Variants in ZNF541 observed in about 807,000 individuals in gnomAD.
ZNF541 encodes the protein zinc finger protein 541.
A neutral mutation model predicts 123.5 loss-of-function variants in ZNF541; 23 were observed. The ratio of observed to expected loss-of-function variants is 0.19; its 90% CI spans 0.13 to 0.26. The LOEUF is 0.26. ZNF541 is among the 10% of genes least tolerant of loss of function. ZNF541 has a pLI of 1.00. For missense variants in ZNF541, 1,612 were observed against 1,789.9 expected (o/e 0.90, Z 1.79); for synonymous variants, 751 against 754.5 (o/e 1.00, Z 0.08).
chr19:47,540,609 T>C (rs1318998620), intron 6 of ZNF541, among the ~76,000 whole-genome samples: 1 of 152,140 alleles, frequency 6.6e-6, no homozygotes, highest in African/African-American at 2.4e-5. Context: ...GTGGCTAATT[T>C]TTATATTTCT....
At position 47,545,238 on chromosome 19, in the gene ZNF541, A is replaced by G. The variant is rs757401661; in HGVS notation, c.1291T>C (p.Phe431Leu). 1.3e-6 allele frequency: 2 copies of G among 1,547,376 alleles called. No individual in the cohort carries two copies. Among genetic ancestry groups the G allele is most frequent in the South Asian group, 1.2e-5 (1 of 84,000 alleles). Residue 431 changes from phenylalanine (F) to leucine (L), a missense_variant, in exon 5 of 17, where the codon TTT (phenylalanine) becomes CTT (leucine). Phe to Leu is a conservative substitution (Grantham distance 22). This residue lies in a region of ZNF541 where 1,080 missense variants were observed against 1,013.8 expected (regional missense o/e 1.07). Transcript: ENST00000391901. This position sits in a 1 kb window ranked among gnomAD's most constrained non-coding sequence, Gnocchi z 7.5. ...GCPKSKGNNV[F>L]VVHKPSAVPS... ...ACGGCCGAGGGCTTGTGGACAACAA[A>G]CACGTTGTTGCCTTTGCTTTTGGGA...
intron 2 of ZNF541, among the ~76,000 whole-genome samples, chr19:47,570,149 C>CT (rs945917940): frequency 1.3e-5 from 2 of 151,838 alleles, no homozygotes; most frequent in African/African-American, 4.8e-5. Flanking sequence ...TAGCGGGTGC[C>CT]TGTTGTCCCA....
chr19:47,540,862 T>C, intron 6 of ZNF541, 31 bp downstream of exon 6: 4 of 1,548,294 alleles, frequency 2.6e-6, no homozygotes, highest in Non-Finnish European at 3.5e-6. Flanking sequence ...CCTGCCAGGG[T>C]GCATGCAGGA....
At chr19:47,566,244 G>A (rs543640307) in intron 2 of ZNF541, among the ~76,000 whole-genome samples, 1 of 152,018 alleles carries the variant, frequency 6.6e-6, no homozygotes, top group South Asian at 2.1e-4. Flanking sequence ...GGGAAACAAA[G>A]GATTCTTCTA....
At chr19:47,548,339 A>G (rs773204200) in intron 4 of ZNF541, among the ~76,000 whole-genome samples, 87 of 142,352 alleles carry the variant, frequency 6.1e-4, no homozygotes, top group Non-Finnish European at 8.8e-4. Flanking sequence ...GCTGCTCTGG[A>G]GGCTGAGGCA....
chr19:47,548,456 A>AAG (rs1555774823), intron 4 of ZNF541, among the ~76,000 whole-genome samples: 33 of 150,534 alleles, frequency 2.2e-4, no homozygotes, highest in African/African-American at 7.7e-4. Context: ...AAAAAAAAAA[A>AAG]AAAAAGAAAA....
Position 47,520,930 on chromosome 19 carries a change from AT to A in ZNF541, c.*293del. ...AGATTTAAGAGCTACCCAGAGCTAA[AT>A]TTTCCCCTCCCCAAGCCTCCCTGCT... On this transcript the variant is annotated 3_prime_UTR_variant, in exon 17 of 17. Coordinates refer to ENST00000391901, the MANE Select transcript of ZNF541 (RefSeq NM_001277075.3). 2 of 360,262 alleles carry A rather than the reference AT, an allele frequency of 5.6e-6. No individual in the cohort carries two copies. The highest frequency in any genetic ancestry group is 9.9e-5 in the South Asian group (2 of 20,142). 22.3% of individuals were successfully genotyped at this position (360,262 alleles called of 1,614,324 possible). A position where few individuals can be genotyped will look rare whatever the true frequency, so the allele number is the denominator to read the frequency against.
intron 9 of ZNF541, among the ~76,000 whole-genome samples, chr19:47,535,537 C>T (rs1257426516): frequency 2.0e-5 from 3 of 152,066 alleles, no homozygotes; most frequent in African/African-American, 4.8e-5. Context: ...GAAAACAATC[C>T]GGCAGTTTGT....
intron 14 of ZNF541, among the ~76,000 whole-genome samples, chr19:47,525,240 G>A (rs563593463): frequency 2.9e-4 from 44 of 151,132 alleles, no homozygotes; most frequent in Non-Finnish European, 4.4e-4. Flanking sequence ...AGTGAAGAGC[G>A]CGCCACTGCA....
At position 47,571,391 on chromosome 19, in the gene ZNF541, C is replaced by T. The variant is rs774365713; in HGVS notation, c.-99+505G>A. On this transcript the variant is annotated intron_variant, in intron 2 of 16. Transcript: ENST00000391901. ...CTGGGATTACAGGCATGAGCCACTG[C>T]GCCCAGCCTACGCTGTCTTATTTAA... 3.3e-5 allele frequency among the ~76,000 whole-genome samples: 5 copies of T among 152,330 alleles called. No homozygotes were observed. In the South Asian group the frequency reaches 6.2e-4, roughly 19 times the overall value.
intron 5 of ZNF541, among the ~76,000 whole-genome samples, chr19:47,542,519 A>T (rs752430393): frequency 6.6e-6 from 1 of 151,674 alleles, no homozygotes; most frequent in Non-Finnish European, 1.5e-5. Flanking sequence ...GGGCATGGTG[A>T]TGTGTGCCTG....
intron 2 of ZNF541, among the ~76,000 whole-genome samples, chr19:47,567,250 A>AATTT (rs542929615): frequency 1.2e-3 from 189 of 151,800 alleles, no homozygotes; most frequent in Middle Eastern, 6.8e-3. Flanking sequence ...AGTTTAGTTA[A>AATTT]ATTTATTTAT....
intron 3 of ZNF541, among the ~76,000 whole-genome samples, chr19:47,553,233 C>CATTT (rs1185727395): frequency 1.3e-5 from 2 of 151,766 alleles, no homozygotes; most frequent in African/African-American, 2.4e-5. Flanking sequence ...AGTTTTTTAA[C>CATTT]ATTTATTTAT....
chr19:47,565,992 C>T (rs945154799), intron 2 of ZNF541, among the ~76,000 whole-genome samples: 17 of 151,964 alleles, frequency 1.1e-4, no homozygotes, highest in African/African-American at 3.9e-4. Context: ...GACTGGCCAA[C>T]ATGGCGAAAC....
intron 9 of ZNF541, among the ~76,000 whole-genome samples, chr19:47,535,893 GAGTGGGAAATC>G (rs1969796555): frequency 6.6e-6 from 1 of 152,180 alleles, no homozygotes; most frequent in Non-Finnish European, 1.5e-5. Context: ...TAGAGGAGTG[GAGTGGGAAATC>G]AGGGGTCTCA....
In ZNF541 at chr19:47,544,613, G is replaced by C; in HGVS notation, c.1916C>G (p.Ser639Cys). Reference sequence around the variant, plus strand: ...TGCGTCTCGTCTCGTGCTGCCGGGGGAGGCCTCTCTGGGAACCCCGGGTGT... The same window carrying C: ...TGCGTCTCGTCTCGTGCTGCCGGGGCAGGCCTCTCTGGGAACCCCGGGTGT... Reference protein sequence around the residue: ...KTTPGVPREASPGSTRRDAKG... With the variant: ...KTTPGVPREACPGSTRRDAKG... The change falls in exon 5 of 17, where the codon TCC (serine) becomes TGC (cysteine). Residue 639 changes from serine to cysteine, a missense_variant. Physicochemically the swap from Ser to Cys is moderately radical, Grantham distance 112. Transcript: ENST00000391901. 6.4e-7 allele frequency: 1 copy of C among 1,551,078 alleles called. No individual in the cohort carries two copies. Among genetic ancestry groups the C allele is most frequent in the Non-Finnish European group, 8.7e-7 (1 of 1,146,962 alleles).
At chr19:47,522,307 T>G (rs943160289) in intron 14 of ZNF541, among the ~76,000 whole-genome samples, 6 of 152,144 alleles carry the variant, frequency 3.9e-5, no homozygotes, top group Non-Finnish European at 7.3e-5. Flanking sequence ...GACATCATGC[T>G]AATAAATCGG....
At chr19:47,560,536 A>G (rs938907720) in intron 2 of ZNF541, among the ~76,000 whole-genome samples, 2 of 149,308 alleles carry the variant, frequency 1.3e-5, no homozygotes, top group African/African-American at 5.0e-5. Context: ...AGATTGCGCC[A>G]CTGCACTCCA....
In ZNF541 at chr19:47,526,686, C is replaced by T. The variant is rs548612981; in HGVS notation, c.3570+2264G>A. Among the ~76,000 whole-genome samples the T allele has an allele frequency of 4.6e-5, 7 of 152,262 alleles. No homozygotes were observed. The South Asian group carries it at 1.4e-3, about 32-fold the overall frequency. ...TGGAATTAAAAGGACTGGCCCTACC[C>T]AGGGCTAGCGAGTTTGTGGAGCAAC... On this transcript the variant is annotated intron_variant, in intron 14 of 16. Coordinates refer to ENST00000391901, the MANE Select transcript of ZNF541 (RefSeq NM_001277075.3).
Sources: allele counts gnomAD v4.1 joint callset (sites outside exome capture counted in the v4.1 genomes callset), GRCh38; gene constraint gnomAD v4.1.1; regional missense constraint gnomAD v4.1.1; non-coding constraint Gnocchi (gnomAD v3.1); transcripts MANE v1.5; gene names NCBI Gene and HGNC (gene_info 2026-07-23, HGNC 2026-07-21).